The following IL1RAPL1 variants were observed in gnomAD, a reference collection of about 807,000 sequenced individuals.
The protein encoded by IL1RAPL1 is interleukin-1 receptor accessory protein-like 1.
In IL1RAPL1, 3 loss-of-function variants were observed where a neutral mutation model predicts 48.4. The ratio of observed to expected loss-of-function variants is 0.06; its 90% CI spans 0.03 to 0.16. IL1RAPL1 has a LOEUF of 0.16. IL1RAPL1 is among the 10% of genes least tolerant of loss of function. The pLI is 1.00. For missense variants in IL1RAPL1, 349 were observed against 530.6 expected (o/e 0.66, Z 3.36); for synonymous variants, 185 against 187.7 (o/e 0.99, Z 0.12).
chrX:29,502,094 A>G (rs893241742), intron 5 of IL1RAPL1, among the ~76,000 whole-genome samples: 7 of 111,193 alleles, frequency 6.3e-5, no homozygotes, highest in Non-Finnish European at 1.3e-4. Context: ...GCTATTATAA[A>G]TGAGATTTCT....
chrX:28,726,630 C>G (rs961588262), intron 1 of IL1RAPL1, among the ~76,000 whole-genome samples: 8 of 112,327 alleles, frequency 7.1e-5, no homozygotes, highest in African/African-American at 1.9e-4. Flanking sequence ...ATGATACTTA[C>G]TGAGTGCTAC....
At chrX:29,168,351 T>C (rs1182144162) in intron 2 of IL1RAPL1, among the ~76,000 whole-genome samples, 1 of 106,573 alleles carries the variant, frequency 9.4e-6, no homozygotes, top group Non-Finnish European at 1.9e-5. Flanking sequence ...CCCTCCCACA[T>C]ACCCTCACCA....
intron 3 of IL1RAPL1, among the ~76,000 whole-genome samples, chrX:29,349,121 A>C (rs1446524358): frequency 2.7e-5 from 3 of 112,443 alleles, no homozygotes; most frequent in Non-Finnish European, 5.6e-5. Context: ...GATTCAACAA[A>C]GTATAGACAG....
intron 1 of IL1RAPL1, among the ~76,000 whole-genome samples, chrX:28,700,617 G>A (rs1935284959): frequency 9.2e-6 from 1 of 109,166 alleles, no homozygotes; most frequent in African/African-American, 3.3e-5. Context: ...CATGTGCCAT[G>A]GTGGTTTGCT....
intron 6 of IL1RAPL1, among the ~76,000 whole-genome samples, chrX:29,869,533 T>C (rs1367579318): frequency 9.0e-6 from 1 of 111,383 alleles, no homozygotes; most frequent in Non-Finnish European, 1.9e-5. Context: ...AAGAGTCTCA[T>C]CATATAACTC....
intron 3 of IL1RAPL1, among the ~76,000 whole-genome samples, chrX:29,305,898 T>G (rs1771066982): frequency 8.9e-6 from 1 of 112,432 alleles, no homozygotes; most frequent in Admixed American, 9.4e-5. Context: ...AATAGCATTA[T>G]AGAAATGCTA....
chrX:29,459,889 A>G (rs1934782773), intron 5 of IL1RAPL1, among the ~76,000 whole-genome samples: 1 of 111,542 alleles, frequency 9.0e-6, no homozygotes, highest in Non-Finnish European at 1.9e-5. Context: ...AAAATTTTGT[A>G]TCTTTTGACC....
At chrX:29,837,300 T>TATAC (rs1300189172) in intron 6 of IL1RAPL1, among the ~76,000 whole-genome samples, 16 of 55,612 alleles carry the variant, frequency 2.9e-4, no homozygotes, top group East Asian at 6.3e-4. Flanking sequence ...TATATATATA[T>TATAC]ACACACACAC....
chrX:28,658,953 G>T (rs1276614871), intron 1 of IL1RAPL1: 2 of 377,836 alleles, frequency 5.3e-6, no homozygotes, highest in Non-Finnish European at 8.8e-6. Context: ...ACATACTTAG[G>T]TACATTTTGA....
intron 5 of IL1RAPL1, among the ~76,000 whole-genome samples, chrX:29,399,792 C>T (rs1425988811): frequency 1.9e-5 from 2 of 105,578 alleles, no homozygotes; most frequent in Admixed American, 2.1e-4. Context: ...GCACTCCAGC[C>T]TGGGGGACAA....
At chrX:29,627,311 TTTTTGG>T (rs888236149) in intron 5 of IL1RAPL1, among the ~76,000 whole-genome samples, 52 of 111,461 alleles carry the variant, frequency 4.7e-4, no homozygotes, top group African/African-American at 1.6e-3. Flanking sequence ...ATCGGAAGGG[TTTTTGG>T]TTTTGGTTTT....
At chrX:29,476,382 C>G (rs1215329096) in intron 5 of IL1RAPL1, among the ~76,000 whole-genome samples, 1 of 111,733 alleles carries the variant, frequency 8.9e-6, no homozygotes, top group Non-Finnish European at 1.9e-5. Flanking sequence ...TAAGATAACC[C>G]TATACATTTT....
intron 2 of IL1RAPL1, among the ~76,000 whole-genome samples, chrX:28,951,439 C>T (rs945896176): frequency 6.7e-5 from 7 of 103,871 alleles, no homozygotes; most frequent in Non-Finnish European, 1.4e-4. Flanking sequence ...AAATTGTCAA[C>T]TACACTTTTA....
At chrX:29,208,455 T>C (rs1930706205) in intron 2 of IL1RAPL1, among the ~76,000 whole-genome samples, 1 of 111,138 alleles carries the variant, frequency 9.0e-6, no homozygotes, top group African/African-American at 3.3e-5. Context: ...CTCACGCCTG[T>C]AATCCCAGCA....
chrX:28,932,643 A>G (rs1330718362), intron 2 of IL1RAPL1, among the ~76,000 whole-genome samples: 1 of 110,447 alleles, frequency 9.1e-6, no homozygotes, highest in East Asian at 2.8e-4. Context: ...AGAAAGACCT[A>G]TTTAGCTTTT....
chrX:29,243,072 TTTA>T (rs1031921769), intron 2 of IL1RAPL1, among the ~76,000 whole-genome samples: 1 of 110,916 alleles, frequency 9.0e-6, no homozygotes, highest in African/African-American at 3.3e-5. Context: ...CCCCGGGGGG[TTTA>T]TTATCTCCCC....
intron 3 of IL1RAPL1, among the ~76,000 whole-genome samples, chrX:29,357,179 C>T (rs1346038404): frequency 1.8e-5 from 2 of 112,023 alleles, no homozygotes; most frequent in Non-Finnish European, 3.8e-5. Context: ...GTTTATCTTA[C>T]ATTTTATTTC....
At chrX:29,094,073 A>C (rs1039921952) in intron 2 of IL1RAPL1, among the ~76,000 whole-genome samples, 4 of 111,940 alleles carry the variant, frequency 3.6e-5, no homozygotes, top group Non-Finnish European at 5.6e-5. Flanking sequence ...CACCTGGTTT[A>C]ATATTCCCTA....
chrX:28,768,753 C>CTATATATA (rs1190280943), intron 1 of IL1RAPL1, among the ~76,000 whole-genome samples: 239 of 53,382 alleles, frequency 4.5e-3, no homozygotes, highest in Non-Finnish European at 6.3e-3. Context: ...CTCTCTCTCT[C>CTATATATA]TCTATATATA....
Sources: allele counts gnomAD v4.1 joint callset (sites outside exome capture counted in the v4.1 genomes callset), GRCh38; gene constraint gnomAD v4.1.1; transcripts MANE v1.5; gene names NCBI Gene and HGNC (gene_info 2026-07-23, HGNC 2026-07-21).